FAT2: variants seen among roughly 807,000 people sequenced by gnomAD.
The protein encoded by FAT2 is FAT atypical cadherin 2.
FAT2 carries 150 observed loss-of-function variants against 295.3 expected under a neutral mutation model. The observed-to-expected ratio is 0.51, with a 90% confidence interval of 0.44 to 0.58. FAT2 has a LOEUF of 0.58. FAT2 is among the 20% of genes least tolerant of loss of function. The pLI is 0.00. For missense variants in FAT2, 4,868 were observed against 5,442.7 expected, an observed-to-expected ratio of 0.89 and a Z score of 3.32; for synonymous variants, 2,026 against 2,150.3, an observed-to-expected ratio of 0.94 and a Z score of 1.60.
intron 1 of FAT2, among the ~76,000 whole-genome samples, chr5:151,587,036 G>T (rs1759198851): frequency 6.6e-6 from 1 of 152,076 alleles, no homozygotes; most frequent in Non-Finnish European, 1.5e-5. Context: ...CAGCTACATA[G>T]GAGGCTGAGG....
chr5:151,534,759 G>A (rs954566830), intron 12 of FAT2, 117 bp from the exon 13 acceptor site: 2 of 804,572 alleles, frequency 2.5e-6, no homozygotes, highest in Non-Finnish European at 4.0e-6. Flanking sequence ...TCACAGCAAG[G>A]AGGGGTCAAT....
intron 13 of FAT2, among the ~76,000 whole-genome samples, chr5:151,533,924 G>T (rs1053949931): frequency 3.9e-5 from 6 of 152,144 alleles, no homozygotes; most frequent in African/African-American, 1.2e-4. Flanking sequence ...AAAAGAAAAA[G>T]AATTAACTCC....
Position 151,563,500 on chromosome 5 carries a change from G to A in FAT2, c.3399C>T (p.Asn1133=), listed in dbSNP as rs138913417. 5.0e-6 allele frequency: 8 copies of A among 1,614,038 alleles called. No homozygotes were observed. The highest frequency in any genetic ancestry group is 5.9e-6 in the Non-Finnish European group (7 of 1,180,042). The part of the protein sequence containing the change: ...VYIEVTDAND[N]PPQMSQAVFY... ...ACACAGCTTGGGACATCTGGGGTGG[G>A]TTGTCATTGGCATCCGTAACCTCGA... Residue 1133 remains asparagine, a synonymous_variant, in exon 3 of 24, where the codon AAC becomes AAT. Coordinates refer to ENST00000261800, the MANE Select transcript of FAT2 (RefSeq NM_001447.3).
intron 20 of FAT2, among the ~76,000 whole-genome samples, chr5:151,517,336 A>T (rs950887641): frequency 2.6e-5 from 4 of 152,172 alleles, no homozygotes; most frequent in Non-Finnish European, 5.9e-5. Context: ...AAAAATGATA[A>T]CGGCACCAGG....
chr5:151,564,795 G>A (rs1417969974), intron 2 of FAT2, among the ~76,000 whole-genome samples: 3 of 152,260 alleles, frequency 2.0e-5, no homozygotes, highest in East Asian at 3.9e-4. Context: ...TTTTTCGGCC[G>A]GGCATGGTGG....
chr5:151,511,642 A>G, intron 21 of FAT2: 1 of 160,132 alleles, frequency 6.2e-6, no homozygotes, highest in South Asian at 1.8e-4. Flanking sequence ...GTTAGAAGCA[A>G]TTAATGAGAA....
At chr5:151,592,244 C>A (rs919400940), upstream of FAT2, among the ~76,000 whole-genome samples, 5 of 152,228 alleles carry the variant, frequency 3.3e-5, no homozygotes, top group Admixed American at 3.3e-4. Context: ...GCACTCCTCT[C>A]CCCTGCTGCC....
At chr5:151,582,077 C>A (rs537302884) in intron 1 of FAT2, among the ~76,000 whole-genome samples, 1 of 152,372 alleles carries the variant, frequency 6.6e-6, no homozygotes, top group Admixed American at 6.5e-5. Context: ...GACAGGCTTT[C>A]TGCTGTCTGA....
At position 151,544,936 on chromosome 5, in the gene FAT2, T is replaced by G; in HGVS notation, c.6191A>C (p.Asn2064Thr). The change falls in exon 10 of 24, where the codon AAT (asparagine) becomes ACT (threonine). Residue 2064 changes from asparagine to threonine, a missense_variant. By Grantham distance (65) the Asn-to-Thr change is moderately conservative. Transcript: ENST00000261800. ...GLVRVSIEDVNDNPPKFKHLP... is the reference protein window; with the variant it reads ...GLVRVSIEDVTDNPPKFKHLP... Reference sequence around the variant, plus strand: ...ATGCTTAAATTTGGGGGGATTGTCATTGACATCCTCAATAGAGACTCTGAC... The same window carrying G: ...ATGCTTAAATTTGGGGGGATTGTCAGTGACATCCTCAATAGAGACTCTGAC... 1 of 1,614,156 alleles carries G rather than the reference T, an allele frequency of 6.2e-7. No homozygotes were observed. The highest frequency in any genetic ancestry group is 8.5e-7 in the Non-Finnish European group (1 of 1,180,026).
chr5:151,517,543 A>G (rs1752994502), intron 20 of FAT2, 77 bp downstream of exon 20: 1 of 1,560,134 alleles, frequency 6.4e-7, no homozygotes, highest in Non-Finnish European at 8.8e-7. Context: ...GGGCTTCCTG[A>G]CATTCCTCAT....
At chr5:151,533,869 T>C (rs1341812879) in intron 13 of FAT2, among the ~76,000 whole-genome samples, 2 of 152,142 alleles carry the variant, frequency 1.3e-5, no homozygotes, top group African/African-American at 4.8e-5. Flanking sequence ...TGGTACAATA[T>C]GGAACAAATA....
Position 151,566,133 on chromosome 5 carries a change from C to G in FAT2, c.2799G>C (p.Lys933Asn). ...PQCITEHNRL[K>N]VPEDLPPGTV... The stretch of plus-strand genomic sequence containing the variant: ...TCCCGGGGGGCAGGTCCTCTGGAAC[C>G]TTCAGCCTGTTGTGTTCTGTGATGC... The change falls in exon 2 of 24, where the codon AAG (lysine) becomes AAC (asparagine). Residue 933 changes from lysine to asparagine, a missense_variant. Lys to Asn is a moderately conservative substitution (Grantham distance 94). Around this residue, in one of 5 missense-constraint regions of FAT2, gnomAD observed 3,297 missense variants for 3,669.4 expected, o/e 0.90. Transcript: ENST00000261800. 1 of 1,614,160 alleles carries G rather than the reference C, an allele frequency of 6.2e-7. No individual in the cohort carries two copies. Among genetic ancestry groups the G allele is most frequent in the South Asian group, 1.1e-5 (1 of 91,068 alleles).
In FAT2 at chr5:151,517,663, G is replaced by GC; in HGVS notation, c.11419dup (p.Ala3807GlyfsTer8). ...TGTTTCATTGGTGAATAGAAGAATG[G>GC]CCTGTGGCTGGAGTGTTTTCAGATA... On this transcript the variant is annotated frameshift_variant, in exon 20 of 24. Coordinates refer to ENST00000261800, the MANE Select transcript of FAT2 (RefSeq NM_001447.3). LOFTEE classifies it high-confidence loss of function. The GC allele has an allele frequency of 6.2e-7, 1 of 1,614,162 alleles. No homozygotes were observed. The highest frequency in any genetic ancestry group is 1.7e-4 in the Middle Eastern group (1 of 6,058).
intron 11 of FAT2, among the ~76,000 whole-genome samples, chr5:151,538,829 AC>A (rs1233038845): frequency 6.7e-6 from 1 of 148,736 alleles, no homozygotes; most frequent in Non-Finnish European, 1.5e-5. Flanking sequence ...GGTGCGTGCC[AC>A]CACACCTGGC....
intron 7 of FAT2, 59 bp downstream of exon 7, chr5:151,551,408 C>T (rs1409794326): frequency 1.0e-5 from 16 of 1,584,374 alleles, no homozygotes; most frequent in South Asian, 2.3e-5. Flanking sequence ...AGCCTCATCC[C>T]AACCAAGAAG....
At position 151,541,180 on chromosome 5, in the gene FAT2, C is replaced by A. The variant is rs189131232; in HGVS notation, c.8843-417G>T. 6.6e-5 allele frequency among the ~76,000 whole-genome samples: 10 copies of A among 152,302 alleles called. No homozygotes were observed. The East Asian group carries it at 1.7e-3, about 26-fold the overall frequency. ...AGGTTTTATTTTATAACTAAGGACC[C>A]ACCCTAAGTGGAGGTTCTGTAGGAG... On this transcript the variant is annotated intron_variant, in intron 10 of 23. Transcript: ENST00000261800.
chr5:151,584,494 C>A (rs1291144866), intron 1 of FAT2, among the ~76,000 whole-genome samples: 1 of 152,210 alleles, frequency 6.6e-6, no homozygotes, highest in Non-Finnish European at 1.5e-5. Flanking sequence ...TGTCCAAGGT[C>A]ATACCGCTAG....
At chr5:151,580,141 A>G (rs1054833940) in intron 1 of FAT2, among the ~76,000 whole-genome samples, 2 of 152,218 alleles carry the variant, frequency 1.3e-5, no homozygotes, top group Non-Finnish European at 2.9e-5. Context: ...CTGGCTCCCC[A>G]TCCTGGCATT....
At chr5:151,590,673 G>A (rs926203475) in intron 1 of FAT2, among the ~76,000 whole-genome samples, 5 of 152,154 alleles carry the variant, frequency 3.3e-5, no homozygotes, top group Admixed American at 6.5e-5. Flanking sequence ...CTCTCCCTTA[G>A]CCGCCAGGTA....
Sources: gnomAD v4.1 joint callset for allele counts (sites outside exome capture counted in the v4.1 genomes callset) on GRCh38, gnomAD v4.1.1 for gene constraint, gnomAD v4.1.1 regional missense constraint, MANE v1.5 for transcripts, NCBI Gene and HGNC (gene_info 2026-07-23, HGNC 2026-07-21) for gene names.